Variants in DPP10 observed in about 807,000 individuals in gnomAD.
DPP10 encodes dipeptidyl peptidase like 10.
In DPP10, 33 loss-of-function variants were observed where a neutral mutation model predicts 120.9. That is an observed-to-expected ratio of 0.27 (90% CI 0.21 to 0.37). The LOEUF is 0.37. DPP10 is among the 10% of genes least tolerant of loss of function. DPP10 has a pLI of 1.00. For synonymous variants in DPP10, 337 were observed against 326.1 expected, an observed-to-expected ratio of 1.03 and a Z score of -0.36; for missense variants, 816 against 942.8, an observed-to-expected ratio of 0.87 and a Z score of 1.76.
chr2:115,798,849 T>C (rs566629981), intron 19 of DPP10, among the ~76,000 whole-genome samples: 1 of 152,280 alleles, frequency 6.6e-6, no homozygotes, highest in East Asian at 1.9e-4. Context: ...CATTCTCTTA[T>C]AGCCGTTTTT....
At chr2:114,963,178 G>T (rs1698773245) in intron 1 of DPP10, among the ~76,000 whole-genome samples, 1 of 152,096 alleles carries the variant, frequency 6.6e-6, no homozygotes, top group Non-Finnish European at 1.5e-5. Flanking sequence ...CAGCTTTCAG[G>T]TTCATTTTTA....
intron 1 of DPP10, among the ~76,000 whole-genome samples, chr2:115,022,069 G>C (rs548224718): frequency 5.9e-5 from 9 of 152,162 alleles, no homozygotes; most frequent in African/African-American, 2.2e-4. Context: ...TACTGAACGG[G>C]GAAAAGTTGA....
rs1190186870 is a variant in DPP10 at position 115,468,337 on chromosome 2, C to T, written c.272-31173C>T. On this transcript the variant is annotated intron_variant, in intron 3 of 25. Coordinates refer to ENST00000410059, the MANE Select transcript of DPP10 (RefSeq NM_020868.6). ...CCAAAGTTTGCTGCTGCCACTGGAG[C>T]AACTCCAATTGCTGGCTGCTTCACT... is the stretch of plus-strand genomic sequence containing the variant. The T allele has an allele frequency of 5.8e-6, 3 of 514,062 alleles. No individual in the cohort carries two copies. In the Admixed American group the frequency reaches 5.9e-5, roughly 10 times the overall value. The allele number at this position is 514,062 out of a possible 1,614,324, so 31.8% of individuals were successfully genotyped here.
At chr2:114,448,345 A>G (rs1678057364) in intron 1 of DPP10, among the ~76,000 whole-genome samples, 1 of 152,204 alleles carries the variant, frequency 6.6e-6, no homozygotes, top group Non-Finnish European at 1.5e-5. Flanking sequence ...ATACTTTTCT[A>G]GAAATTCATG....
intron 1 of DPP10, among the ~76,000 whole-genome samples, chr2:114,966,685 G>T (rs1699056596): frequency 6.6e-6 from 1 of 152,218 alleles, no homozygotes; most frequent in Non-Finnish European, 1.5e-5. Flanking sequence ...AGCCATTTAT[G>T]ATCTTGACCA....
At chr2:115,395,435 G>A (rs866217897) in intron 3 of DPP10, among the ~76,000 whole-genome samples, 14 of 152,166 alleles carry the variant, frequency 9.2e-5, no homozygotes, top group South Asian at 2.1e-4. Flanking sequence ...GTGGGTTTCA[G>A]AAGGACACAG....
intron 1 of DPP10, among the ~76,000 whole-genome samples, chr2:114,994,545 C>T (rs1700956387): frequency 6.6e-6 from 1 of 152,294 alleles, no homozygotes; most frequent in East Asian, 1.9e-4. Context: ...GAATTACCCA[C>T]CATGACTGCA....
intron 1 of DPP10, among the ~76,000 whole-genome samples, chr2:115,122,508 G>A (rs538076193): frequency 2.0e-5 from 3 of 152,332 alleles, no homozygotes; most frequent in South Asian, 2.1e-4. Context: ...CTTGTTCAGA[G>A]CATTCTAGAA....
At chr2:114,616,197 A>G (rs539554752) in intron 1 of DPP10, among the ~76,000 whole-genome samples, 2 of 152,252 alleles carry the variant, frequency 1.3e-5, no homozygotes, top group Non-Finnish European at 2.9e-5. Context: ...AGAATTACAC[A>G]TGAATTGTCT....
At chr2:114,607,472 G>C (rs897884134) in intron 1 of DPP10, among the ~76,000 whole-genome samples, 1 of 152,142 alleles carries the variant, frequency 6.6e-6, no homozygotes, top group Admixed American at 6.6e-5. Flanking sequence ...CTTAAATCTT[G>C]CACATAATGA....
chr2:114,663,453 C>G (rs1031553884), intron 1 of DPP10, among the ~76,000 whole-genome samples: 9 of 150,234 alleles, frequency 6.0e-5, no homozygotes, highest in Non-Finnish European at 1.2e-4. Flanking sequence ...TATATTTAGA[C>G]TTTTGAAAAT....
At chr2:114,994,422 T>C (rs1270881093) in intron 1 of DPP10, among the ~76,000 whole-genome samples, 1 of 152,212 alleles carries the variant, frequency 6.6e-6, no homozygotes, top group Non-Finnish European at 1.5e-5. Context: ...ATTGTGAAGC[T>C]GTAGAACTTA....
chr2:115,432,673 G>A (rs866086940), intron 3 of DPP10, among the ~76,000 whole-genome samples: 8 of 148,228 alleles, frequency 5.4e-5, no homozygotes, highest in Non-Finnish European at 1.2e-4. Flanking sequence ...GTGTGTGTGT[G>A]TGTGTGTGTG....
rs552065210 is a variant in DPP10 at position 115,452,308 on chromosome 2, A to G, written c.272-47202A>G. On this transcript the variant is annotated intron_variant, in intron 3 of 25. Transcript: ENST00000410059. ...TAGGTGTGACATTAATTTGTGACCT[A>G]TGAAAGTGCTGTAGCATGCCCCCAT... is the stretch of plus-strand genomic sequence containing the variant. Among the ~76,000 whole-genome samples the G allele has an allele frequency of 6.6e-5, 10 of 152,062 alleles. No individual in the cohort carries two copies. In the South Asian group the frequency reaches 1.2e-3, roughly 19 times the overall value.
intron 1 of DPP10, among the ~76,000 whole-genome samples, chr2:115,190,548 C>T (rs1379337865): frequency 6.6e-6 from 1 of 152,152 alleles, no homozygotes; most frequent in Non-Finnish European, 1.5e-5. Context: ...GTTAAGTCTA[C>T]AAGGAATACT....
intron 1 of DPP10, among the ~76,000 whole-genome samples, chr2:115,106,451 TTTTG>T (rs764563719): frequency 5.4e-4 from 82 of 152,248 alleles, no homozygotes; most frequent in South Asian, 1.9e-3. Context: ...GTCTCTGTTT[TTTTG>T]TTTGTTTGTT....
chr2:114,721,784 C>CTTGGAATATT (rs1701719784), intron 1 of DPP10, among the ~76,000 whole-genome samples: 1 of 152,186 alleles, frequency 6.6e-6, no homozygotes, highest in Non-Finnish European at 1.5e-5. Flanking sequence ...AAAATATTAC[C>CTTGGAATATT]TTGGAAATCA....
chr2:114,686,636 T>G (rs1038471922), intron 1 of DPP10, among the ~76,000 whole-genome samples: 4 of 151,926 alleles, frequency 2.6e-5, no homozygotes, highest in African/African-American at 9.7e-5. Flanking sequence ...GCTTAAGTTA[T>G]GTGGCTAACA....
At chr2:114,476,969 T>A (rs754113322) in intron 1 of DPP10, among the ~76,000 whole-genome samples, 1 of 152,094 alleles carries the variant, frequency 6.6e-6, no homozygotes, top group East Asian at 1.9e-4. Flanking sequence ...TTGATTCTTT[T>A]TTTTTTTGAG....
Sources: gnomAD v4.1 joint callset for allele counts (sites outside exome capture counted in the v4.1 genomes callset) on GRCh38, gnomAD v4.1.1 for gene constraint, MANE v1.5 for transcripts, NCBI Gene and HGNC (gene_info 2026-07-23, HGNC 2026-07-21) for gene names.